Variants in RET observed in about 807,000 individuals in gnomAD.
RET encodes the protein proto-oncogene tyrosine-protein kinase receptor Ret.
A neutral mutation model predicts 118.3 loss-of-function variants in RET; 19 were observed. That is an observed-to-expected ratio of 0.16 (90% CI 0.11 to 0.24). The LOEUF (loss-of-function observed/expected upper bound fraction) is 0.24, where lower values mean the gene tolerates loss of function less well. Ranked by LOEUF, RET falls within the 10% of genes least tolerant of loss-of-function variation. The probability of loss-of-function intolerance (pLI) is 1.00; values close to 1 mark genes in which losing one functional copy is unlikely to be tolerated. For missense variants in RET, 1,219 were observed against 1,502.1 expected (o/e 0.81, Z 3.12); for synonymous variants, 597 against 644.1 (o/e 0.93, Z 1.11).
chr10:43,077,183 G>A lies in RET; in HGVS notation c.-76G>A. 2.2e-6 allele frequency: 3 copies of A among 1,384,286 alleles called. No homozygotes were observed. Among genetic ancestry groups the A allele is most frequent in the South Asian group, 1.6e-5 (1 of 63,144 alleles). The allele number at this position is 1,384,286 out of a possible 1,614,324, so 85.8% of individuals were successfully genotyped here. A position where few individuals can be genotyped will look rare whatever the true frequency, so the allele number is the denominator to read the frequency against. On this transcript the variant is annotated 5_prime_UTR_variant, in exon 1 of 20. An upstream open reading frame in the 5' UTR loses its in-frame stop. Coordinates refer to ENST00000355710, the MANE Select transcript of RET (RefSeq NM_020975.6). ...CGGGCGGGGATGGGGCGGCCAGACT[G>A]AGCGCCGCACCCGCCATCCAGACCC... is the stretch of plus-strand genomic sequence containing the variant.
chr10:43,118,206 C>G (rs1051743129), intron 12 of RET, among the ~76,000 whole-genome samples, 167 bp from the exon 13 acceptor site: 6 of 152,160 alleles, frequency 3.9e-5, no homozygotes, highest in Admixed American at 2.0e-4. Flanking sequence ...GGATGAGGCC[C>G]CTGTCCACTG....
intron 10 of RET, 106 bp downstream of exon 10, chr10:43,113,781 G>A (rs1454396851): frequency 2.0e-6 from 3 of 1,508,312 alleles, no homozygotes; most frequent in African/African-American, 1.4e-5. Context: ...AGGCGAGTGG[G>A]CCCCATGAAA....
chr10:43,113,810 G>T (rs2132834587), intron 10 of RET, 135 bp downstream of exon 10: 3 of 1,316,016 alleles, frequency 2.3e-6, no homozygotes, highest in Middle Eastern at 1.9e-4. Context: ...CCTCCCTCTG[G>T]GCCTCTGTTA....
At chr10:43,103,176 G>T (rs1328628982) in intron 3 of RET, among the ~76,000 whole-genome samples, 3 of 152,052 alleles carry the variant, frequency 2.0e-5, no homozygotes. Flanking sequence ...GGCAGGTCTG[G>T]GAGTGGCTTG....
rs2132850429 is a variant in RET, at chr10:43,114,620, A to G, written c.2020A>G (p.Met674Val). 1 of 1,612,770 alleles carries G rather than the reference A, an allele frequency of 6.2e-7. No individual in the cohort carries two copies. The highest frequency in any genetic ancestry group is 8.5e-7 in the Non-Finnish European group (1 of 1,179,950). ...CAAGCCACCCATCTCCTCAGCTGAG[A>G]TGACCTTCCGGAGGCCCGCCCAGGC... Reference protein sequence around the residue: ...AHKPPISSAEMTFRRPAQAFP... With the variant: ...AHKPPISSAEVTFRRPAQAFP... The change falls in exon 11 of 20, where the codon ATG becomes GTG. Residue 674 changes from methionine to valine, a missense_variant. Met to Val is a conservative substitution (Grantham distance 21). This residue lies in a region of RET where 850 missense variants were observed against 969.6 expected (regional missense o/e 0.88). Coordinates refer to ENST00000355710, the MANE Select transcript of RET (RefSeq NM_020975.6). The surrounding 1 kb of genome is among the most constrained non-coding windows in gnomAD (Gnocchi z 4.6).
In RET at chr10:43,102,641, C is replaced by T; in HGVS notation, c.625+12C>T. On this transcript the variant is annotated intron_variant, in intron 3 of 19. Coordinates refer to ENST00000355710, the MANE Select transcript of RET (RefSeq NM_020975.6). ...CAGGCTCCTGGAGGGTGAGTGCCGA[C>T]CTTGTGGGGCCGCCCCACAGTGCCT... 1.2e-6 allele frequency: 2 copies of T among 1,613,804 alleles called. No homozygotes were observed. Among genetic ancestry groups the T allele is most frequent in the Non-Finnish European group, 1.7e-6 (2 of 1,180,028 alleles).
rs780756440 is a variant in RET at position 43,105,062 on chromosome 10, C to A, written c.736C>A (p.His246Asn). The A allele has an allele frequency of 4.3e-6, 7 of 1,609,636 alleles. No homozygotes were observed. The African/African-American group carries it at 9.3e-5, about 21-fold the overall frequency. The change falls in exon 4 of 20, where the codon CAC becomes AAC. Residue 246 changes from histidine (H) to asparagine (N), a missense_variant. His to Asn is a moderately conservative substitution (Grantham distance 68). This residue lies in a region of RET where 850 missense variants were observed against 969.6 expected (regional missense o/e 0.88). Transcript: ENST00000355710. The stretch of plus-strand genomic sequence containing the variant: ...CGAGCTGGTGGCCGTGTGCACCGTG[C>A]ACGCCGGCGCGCGCGAGGAGGTGGT... Reference protein sequence around the residue: ...KYELVAVCTVHAGAREEVVMV... With the variant: ...KYELVAVCTVNAGAREEVVMV...
At chr10:43,092,201 T>G (rs1270933645) in intron 1 of RET, among the ~76,000 whole-genome samples, 1 of 152,188 alleles carries the variant, frequency 6.6e-6, no homozygotes, top group Non-Finnish European at 1.5e-5. Flanking sequence ...TGGTTGAACC[T>G]CGAGGGCATT....
chr10:43,094,201 C>A (rs3128726), intron 1 of RET, among the ~76,000 whole-genome samples: 1 of 151,500 alleles, frequency 6.6e-6, no homozygotes, highest in African/African-American at 2.4e-5. Context: ...CGGGGACCGC[C>A]TCTTTCCACC....
intron 15 of RET, 58 bp from the exon 16 acceptor site, chr10:43,121,888 C>A (rs901661914): frequency 7.4e-7 from 1 of 1,351,212 alleles, no homozygotes; most frequent in Non-Finnish European, 1.1e-6. Flanking sequence ...TTCTCCTTTA[C>A]CCCTCCTTCC....
In RET at chr10:43,120,119, A is replaced by G; in HGVS notation, c.2646A>G (p.Val882=). 1.2e-6 allele frequency: 2 copies of G among 1,614,042 alleles called. No homozygotes were observed. Among genetic ancestry groups the G allele is most frequent in the Non-Finnish European group, 1.7e-6 (2 of 1,180,010 alleles). ...HRDLAARNIL[V]AEGRKMKISD... ...ACTTGGCAGCCAGAAACATCCTGGTAGCTGAGGGGCGGAAGATGAAGATTT... is the reference window on the plus strand; with the variant it reads ...ACTTGGCAGCCAGAAACATCCTGGTGGCTGAGGGGCGGAAGATGAAGATTT... Residue 882 remains valine (V), a synonymous_variant, in exon 15 of 20, where the codon GTA becomes GTG. Coordinates refer to ENST00000355710, the MANE Select transcript of RET (RefSeq NM_020975.6).
At chr10:43,102,769 A>G in intron 3 of RET, 140 bp downstream of exon 3, 1 of 1,063,858 alleles carries the variant, frequency 9.4e-7, no homozygotes, top group South Asian at 1.4e-5. Flanking sequence ...TACCTCTTGC[A>G]TGCCTGCCAG....
chr10:43,085,233 C>T (rs190767206), intron 1 of RET, among the ~76,000 whole-genome samples: 3 of 152,280 alleles, frequency 2.0e-5, no homozygotes, highest in East Asian at 3.9e-4. Flanking sequence ...TGTCCCCATT[C>T]GCAGCTAGGG....
chr10:43,079,299 C>T (rs538457891), intron 1 of RET, among the ~76,000 whole-genome samples: 1 of 152,310 alleles, frequency 6.6e-6, no homozygotes, highest in South Asian at 2.1e-4. Flanking sequence ...CCCACGTCCA[C>T]ACAGGGACCC....
In RET at chr10:43,114,370, C is replaced by T. The variant is rs2132840736; in HGVS notation, c.1880-110C>T. 1 of 1,474,382 alleles carries T rather than the reference C, an allele frequency of 6.8e-7. No homozygotes were observed. The highest frequency in any genetic ancestry group is 9.2e-7 in the Non-Finnish European group (1 of 1,083,080). The allele number at this position is 1,474,382 out of a possible 1,614,324, so 91.3% of individuals were successfully genotyped here. A position where few individuals can be genotyped will look rare whatever the true frequency, so the allele number is the denominator to read the frequency against. On this transcript the variant is annotated intron_variant, in intron 10 of 19. Coordinates refer to ENST00000355710, the MANE Select transcript of RET (RefSeq NM_020975.6). This position sits in a 1 kb window ranked among gnomAD's most constrained non-coding sequence, Gnocchi z 4.6. ...CCACACCTCCATGGCCACTTCCCAGCTGGCGCGGACACGGCAGGCTGGAGA... is the reference window on the plus strand; with the variant it reads ...CCACACCTCCATGGCCACTTCCCAGTTGGCGCGGACACGGCAGGCTGGAGA...
intron 17 of RET, among the ~76,000 whole-genome samples, chr10:43,124,021 T>C (rs930861362): frequency 6.6e-6 from 1 of 152,052 alleles, no homozygotes; most frequent in Non-Finnish European, 1.5e-5. Context: ...TAGGGGGTCT[T>C]ATAAAAATGA....
rs2132496886 is a variant in RET at position 43,077,250 on chromosome 10, G to A, written c.-9G>A. The A allele has an allele frequency of 1.3e-6, 2 of 1,499,916 alleles. No homozygotes were observed. Among genetic ancestry groups the A allele is most frequent in the East Asian group, 5.4e-5 (2 of 37,210 alleles). The allele number at this position is 1,499,916 out of a possible 1,614,324, so 92.9% of individuals were successfully genotyped here. A position where few individuals can be genotyped will look rare whatever the true frequency, so the allele number is the denominator to read the frequency against. On this transcript the variant is annotated 5_prime_UTR_variant, in exon 1 of 20. Coordinates refer to ENST00000355710, the MANE Select transcript of RET (RefSeq NM_020975.6). ...GTCCCTCCAGCCGTGGCCCCAGCGC[G>A]CACGGGCGATGGCGAAGGCGACGTC...
chr10:43,125,230 C>T (rs530155503), intron 18 of RET, among the ~76,000 whole-genome samples: 158 of 152,350 alleles, frequency 1.0e-3, no homozygotes, highest in Non-Finnish European at 1.7e-3. Flanking sequence ...AAGCTCTCTA[C>T]AGACAGGCAT....
intron 1 of RET, among the ~76,000 whole-genome samples, chr10:43,096,010 C>T (rs1159743385): frequency 3.3e-5 from 5 of 152,174 alleles, no homozygotes; most frequent in African/African-American, 1.2e-4. Context: ...TGGTGTGTGC[C>T]AGGCCACCGC....
Sources: allele counts gnomAD v4.1 joint callset (sites outside exome capture counted in the v4.1 genomes callset), GRCh38; gene constraint gnomAD v4.1.1; regional missense constraint gnomAD v4.1.1; non-coding constraint Gnocchi (gnomAD v3.1); transcripts MANE v1.5; gene names NCBI Gene and HGNC (gene_info 2026-07-23, HGNC 2026-07-21).